The following STXBP5L variants were observed in gnomAD, a reference collection of about 807,000 sequenced individuals.
STXBP5L encodes syntaxin-binding protein 5-like.
A neutral mutation model predicts 144.5 loss-of-function variants in STXBP5L; 65 were observed. The ratio of observed to expected loss-of-function variants is 0.45; its 90% CI spans 0.37 to 0.55. The LOEUF is 0.55. Among genes scored for constraint, STXBP5L ranks in the 20% least tolerant of loss-of-function variants. The pLI, the probability that STXBP5L is intolerant of heterozygous loss-of-function variation, is 0.00. For synonymous variants in STXBP5L, 505 were observed against 469.6 expected, an observed-to-expected ratio of 1.08 and a Z score of -0.97; for missense variants, 1,298 against 1,405.5, an observed-to-expected ratio of 0.92 and a Z score of 1.22.
intron 10 of STXBP5L, 128 bp from the exon 11 acceptor site, chr3:121,222,875 G>T: frequency 1.1e-6 from 1 of 944,692 alleles, no homozygotes; most frequent in Non-Finnish European, 1.5e-6. Flanking sequence ...ATTTTGAGCC[G>T]GGCAAGTTTT....
chr3:120,915,625 C>T (rs961842643), intron 2 of STXBP5L, among the ~76,000 whole-genome samples: 1 of 151,812 alleles, frequency 6.6e-6, no homozygotes, highest in Non-Finnish European at 1.5e-5. Context: ...TTTCTTAATT[C>T]TTTTTAGTAT....
intron 9 of STXBP5L, among the ~76,000 whole-genome samples, chr3:121,187,017 G>A (rs968970191): frequency 1.3e-5 from 2 of 151,976 alleles, no homozygotes; most frequent in African/African-American, 2.4e-5. Context: ...GATTCCTCAG[G>A]GATCTAGAAC....
Position 121,407,388 on chromosome 3 carries a change from G to A in STXBP5L, c.2733G>A (p.Met911Ile), listed in dbSNP as rs780288093. Residue 911 changes from methionine to isoleucine, a missense_variant, in exon 23 of 27, where the codon ATG becomes ATA. Transcript: ENST00000471454. ...AATCTTGGAGAAGGAAAGTGGTAAT[G>A]AACTCATCTTCTGCATCCCAAGAAA... Reference protein sequence around the residue: ...NEKSWRRKVVMNSSSASQEIG... With the variant: ...NEKSWRRKVVINSSSASQEIG... 1 of 1,613,044 alleles carries A rather than the reference G, an allele frequency of 6.2e-7. No individual in the cohort carries two copies. The highest frequency in any genetic ancestry group is 8.5e-7 in the Non-Finnish European group (1 of 1,179,358).
In STXBP5L at chr3:121,157,637, A is replaced by G; in HGVS notation, c.877+10A>G. The G allele has an allele frequency of 6.3e-7, 1 of 1,594,634 alleles. No individual in the cohort carries two copies. Among genetic ancestry groups the G allele is most frequent in the Non-Finnish European group, 8.5e-7 (1 of 1,173,110 alleles). On this transcript the variant is annotated intron_variant, in intron 9 of 26. Transcript: ENST00000471454. ...ACCACAATTCCACATGGTAAGATGTATGCTTTCAAAAGGAATAAACACTGG... is the reference window on the plus strand; with the variant it reads ...ACCACAATTCCACATGGTAAGATGTGTGCTTTCAAAAGGAATAAACACTGG...
At chr3:120,934,388 TTTG>T (rs1380868437) in intron 2 of STXBP5L, among the ~76,000 whole-genome samples, 1 of 152,092 alleles carries the variant, frequency 6.6e-6, no homozygotes, top group Non-Finnish European at 1.5e-5. Context: ...TTCTTTTAAA[TTTG>T]TTAAGGTATG....
intron 19 of STXBP5L, among the ~76,000 whole-genome samples, chr3:121,283,345 T>C (rs2051123430): frequency 6.6e-6 from 1 of 152,000 alleles, no homozygotes; most frequent in South Asian, 2.1e-4. Flanking sequence ...TTCCTGGGAA[T>C]GCCTAGAAGT....
At chr3:120,979,149 G>A (rs2107856721) in intron 3 of STXBP5L, among the ~76,000 whole-genome samples, 1 of 152,362 alleles carries the variant, frequency 6.6e-6, no homozygotes, top group South Asian at 2.1e-4. Context: ...TGCCACCAGA[G>A]GTGGAGCCTA....
intron 3 of STXBP5L, among the ~76,000 whole-genome samples, chr3:121,014,410 C>T (rs1366568922): frequency 1.3e-5 from 2 of 151,928 alleles, no homozygotes; most frequent in Non-Finnish European, 2.9e-5. Context: ...TGGAATTATA[C>T]AGTATATATT....
chr3:121,389,736 C>G (rs548663145), intron 22 of STXBP5L, among the ~76,000 whole-genome samples: 40 of 152,342 alleles, frequency 2.6e-4, no homozygotes, highest in Admixed American at 1.0e-3. Context: ...TTGAATTGCA[C>G]TGTGGTCTGA....
At chr3:121,145,910 A>T (rs1164879945) in intron 7 of STXBP5L, among the ~76,000 whole-genome samples, 2 of 152,078 alleles carry the variant, frequency 1.3e-5, no homozygotes, top group Admixed American at 6.6e-5. Flanking sequence ...ATGTGAGTAG[A>T]CATTATCCAG....
Position 121,059,275 on chromosome 3 carries a change from A to G in STXBP5L, c.470+13740A>G, listed in dbSNP as rs184448330. Among the ~76,000 whole-genome samples, 499 of 152,182 alleles carry G rather than the reference A, an allele frequency of 3.3e-3. 6 individuals carry two copies. The highest frequency in any genetic ancestry group is 0.011 in the African/African-American group (450 of 41,532). On this transcript the variant is annotated intron_variant, in intron 5 of 26. Transcript: ENST00000471454. ...TTTAGTCAGGTTTGTCAAAGATCAG[A>G]TGGTTGTAGATGTGTGGTGTTATTT...
At chr3:121,340,583 T>A (rs572088532) in intron 20 of STXBP5L, among the ~76,000 whole-genome samples, 1 of 152,004 alleles carries the variant, frequency 6.6e-6, no homozygotes, top group South Asian at 2.1e-4. Context: ...CATGTGGTGT[T>A]TGGTGTTCTG....
chr3:121,254,294 A>G (rs987115206), intron 15 of STXBP5L, among the ~76,000 whole-genome samples: 7 of 151,686 alleles, frequency 4.6e-5, no homozygotes, highest in African/African-American at 1.7e-4. Context: ...CAGTTCACAA[A>G]CACAATGTAT....
At chr3:120,979,486 C>T (rs895506629) in intron 3 of STXBP5L, among the ~76,000 whole-genome samples, 2 of 152,138 alleles carry the variant, frequency 1.3e-5, no homozygotes, top group African/African-American at 4.8e-5. Flanking sequence ...AACTCCCTGA[C>T]CCCTTGTGCT....
chr3:121,066,372 A>C (rs2041545005), intron 5 of STXBP5L, among the ~76,000 whole-genome samples: 1 of 150,172 alleles, frequency 6.7e-6, no homozygotes, highest in Admixed American at 6.6e-5. Context: ...GTATATATAT[A>C]TATATATACG....
chr3:121,058,605 G>A (rs2107620604), intron 5 of STXBP5L, among the ~76,000 whole-genome samples: 1 of 152,302 alleles, frequency 6.6e-6, no homozygotes, highest in South Asian at 2.1e-4. Context: ...GTGTAAAAGT[G>A]TTCCTATTTC....
intron 20 of STXBP5L, among the ~76,000 whole-genome samples, chr3:121,368,552 T>C (rs2045934034): frequency 6.6e-6 from 1 of 152,154 alleles, no homozygotes; most frequent in South Asian, 2.1e-4. Flanking sequence ...ATTATGATTT[T>C]TTTTGTTTAA....
chr3:121,292,781 G>A (rs949295738), intron 19 of STXBP5L, among the ~76,000 whole-genome samples: 2 of 152,180 alleles, frequency 1.3e-5, no homozygotes, highest in Non-Finnish European at 2.9e-5. Flanking sequence ...AGTAACTCAG[G>A]AATGGAAAAC....
intron 3 of STXBP5L, among the ~76,000 whole-genome samples, chr3:120,957,258 T>A (rs550132699): frequency 8.0e-4 from 121 of 152,148 alleles, no homozygotes; most frequent in Non-Finnish European, 1.3e-3. Flanking sequence ...GTGTGAAATT[T>A]GAAATTAGAT....
Sources: gnomAD v4.1 joint callset for allele counts (sites outside exome capture counted in the v4.1 genomes callset) on GRCh38, gnomAD v4.1.1 for gene constraint, MANE v1.5 for transcripts, NCBI Gene and HGNC (gene_info 2026-07-23, HGNC 2026-07-21) for gene names.